SLC13A3: variants seen among roughly 807,000 people sequenced by gnomAD.
SLC13A3 encodes the protein solute carrier family 13 member 3.
A neutral mutation model predicts 59.0 loss-of-function variants in SLC13A3; 40 were observed. The observed-to-expected ratio is 0.68, with a 90% CI of 0.53 to 0.88. SLC13A3 has a LOEUF of 0.88. SLC13A3 is among the 40% of genes least tolerant of loss of function. The pLI, the probability that SLC13A3 is intolerant of heterozygous loss-of-function variation, is 0.00. For synonymous variants in SLC13A3, 317 were observed against 330.3 expected (o/e 0.96, Z 0.44); for missense variants, 699 against 783.2 (o/e 0.89, Z 1.28).
chr20:46,632,906 T>TATATAGACAGAC (rs1568947585), intron 1 of SLC13A3, among the ~76,000 whole-genome samples: 14 of 58,950 alleles, frequency 2.4e-4, no homozygotes, highest in African/African-American at 8.3e-4. Flanking sequence ...GATAGATAGA[T>TATATAGACAGAC]AGATATATCT....
intron 9 of SLC13A3, 58 bp from the exon 10 acceptor site, chr20:46,575,743 C>A: frequency 9.3e-7 from 1 of 1,080,220 alleles, no homozygotes; most frequent in South Asian, 1.7e-5. Context: ...AGGCAGAGGC[C>A]ACCAGCCCTG....
rs2122835412 is a variant in SLC13A3 at position 46,636,172 on chromosome 20, T to C, written c.111+15139A>G. On this transcript the variant is annotated intron_variant, in intron 1 of 12. Transcript: ENST00000279027. Reference sequence around the variant, plus strand: ...CACTTCTCTCATAAATTCACTTTACTCTGTGGACTCACCCCGAATCCTTAC... The same window carrying C: ...CACTTCTCTCATAAATTCACTTTACCCTGTGGACTCACCCCGAATCCTTAC... 2.0e-5 allele frequency among the ~76,000 whole-genome samples: 3 copies of C among 152,360 alleles called. No individual in the cohort carries two copies. In the South Asian group the frequency reaches 6.2e-4, roughly 32 times the overall value.
At chr20:46,625,775 TCTGG>T (rs1375922220) in intron 1 of SLC13A3, among the ~76,000 whole-genome samples, 1 of 152,234 alleles carries the variant, frequency 6.6e-6, no homozygotes, top group Admixed American at 6.5e-5. Context: ...TTGAAGTGTG[TCTGG>T]CTGTTTTGCT....
Position 46,651,304 on chromosome 20 carries a change from G to T in SLC13A3, c.111+7C>A. On this transcript the variant is annotated splice_region_variant and intron_variant, in intron 1 of 12. Coordinates refer to ENST00000279027, the MANE Select transcript of SLC13A3 (RefSeq NM_022829.6). Reference sequence around the variant, plus strand: ...GACCGGGGGCGCACAGGCGGAGGAGGCGTTACCTTGGGCGGGAGGGCGAAG... The same window carrying T: ...GACCGGGGGCGCACAGGCGGAGGAGTCGTTACCTTGGGCGGGAGGGCGAAG... 1 of 1,494,502 alleles carries T rather than the reference G, an allele frequency of 6.7e-7. No individual in the cohort carries two copies. Among genetic ancestry groups the T allele is most frequent in the Non-Finnish European group, 8.9e-7 (1 of 1,123,604 alleles). The allele number at this position is 1,494,502 out of a possible 1,614,324, so 92.6% of individuals were successfully genotyped here.
At chr20:46,607,500 C>T (rs913290622) in intron 3 of SLC13A3, among the ~76,000 whole-genome samples, 10 of 152,228 alleles carry the variant, frequency 6.6e-5, no homozygotes, top group African/African-American at 2.4e-4. Context: ...TAACCAATTC[C>T]TGCTCCTCCC....
chr20:46,569,163 GT>G (rs551692759), intron 10 of SLC13A3, among the ~76,000 whole-genome samples: 15 of 150,844 alleles, frequency 9.9e-5, no homozygotes, highest in Non-Finnish European at 1.6e-4. Flanking sequence ...TTTTTTAAGT[GT>G]TTTTTTTTGT....
chr20:46,637,945 G>A (rs144701150), intron 1 of SLC13A3, among the ~76,000 whole-genome samples: 38 of 152,266 alleles, frequency 2.5e-4, no homozygotes, highest in African/African-American at 8.4e-4. Context: ...GGAAAGCCAG[G>A]GTCTGGAGAA....
chr20:46,600,324 AAAGG>A (rs143437944), intron 3 of SLC13A3, among the ~76,000 whole-genome samples: 91 of 83,856 alleles, frequency 1.1e-3, no homozygotes, highest in South Asian at 1.8e-3. Context: ...GGAAGGAAGG[AAAGG>A]AAGGAAGGAA....
At chr20:46,616,011 C>G (rs2062550562) in intron 1 of SLC13A3, among the ~76,000 whole-genome samples, 1 of 152,212 alleles carries the variant, frequency 6.6e-6, no homozygotes. Flanking sequence ...ATTAACTCAA[C>G]TTGGAATGAA....
chr20:46,662,380 T>C (rs1446605565), intron 1 of SLC13A3, among the ~76,000 whole-genome samples: 1 of 152,198 alleles, frequency 6.6e-6, no homozygotes, highest in East Asian at 1.9e-4. Context: ...CCATCAGACA[T>C]TGTTGTAGTC....
chr20:46,623,601 C>T (rs2062638053), intron 1 of SLC13A3, among the ~76,000 whole-genome samples: 1 of 152,132 alleles, frequency 6.6e-6, no homozygotes, highest in South Asian at 2.1e-4. Context: ...TTAGGTCATG[C>T]ATACAATGCT....
chr20:46,568,271 G>T (rs985700663), intron 10 of SLC13A3, among the ~76,000 whole-genome samples: 1 of 151,588 alleles, frequency 6.6e-6, no homozygotes, highest in African/African-American at 2.4e-5. Flanking sequence ...GGTGGTGCAC[G>T]CCTGTAATCC....
At chr20:46,647,130 A>G (rs1236235653) in intron 1 of SLC13A3, among the ~76,000 whole-genome samples, 1 of 152,108 alleles carries the variant, frequency 6.6e-6, no homozygotes, top group East Asian at 1.9e-4. Flanking sequence ...CAGGGTGCAC[A>G]GCTTGGCATG....
chr20:46,590,753 A>T (rs1187855565), intron 6 of SLC13A3, among the ~76,000 whole-genome samples: 1 of 152,256 alleles, frequency 6.6e-6, no homozygotes, highest in African/African-American at 2.4e-5. Context: ...ATCTATTAAA[A>T]TAAAAATGTG....
chr20:46,659,691 G>T (rs2122908666), intron 1 of SLC13A3, among the ~76,000 whole-genome samples: 1 of 150,806 alleles, frequency 6.6e-6, no homozygotes, highest in African/African-American at 2.4e-5. Flanking sequence ...ACTCCAGCCT[G>T]GGTGACAGAG....
chr20:46,596,135 C>T (rs764168490), intron 5 of SLC13A3, 22 bp downstream of exon 5: 155 of 1,607,062 alleles, frequency 9.6e-5, no homozygotes, highest in Admixed American at 2.0e-4. Context: ...CCCTCCCCGC[C>T]GGTGGGGACT....
At chr20:46,600,313 G>GGGAAGGAAGGAAGGAAAGGAAGGAA (rs144741251) in intron 3 of SLC13A3, among the ~76,000 whole-genome samples, 25 of 123,880 alleles carry the variant, frequency 2.0e-4, no homozygotes, top group Middle Eastern at 4.5e-3. Context: ...GAAAGAAAGA[G>GGGAAGGAAGGAAGGAAAGGAAGGAA]GGAAGGAAGG....
intron 1 of SLC13A3, among the ~76,000 whole-genome samples, chr20:46,621,744 A>G (rs1180891032): frequency 6.6e-6 from 1 of 152,210 alleles, no homozygotes; most frequent in African/African-American, 2.4e-5. Context: ...ATCACATCCA[A>G]TGTCACATGA....
intron 1 of SLC13A3, among the ~76,000 whole-genome samples, chr20:46,636,361 G>A (rs541823450): frequency 1.3e-5 from 2 of 152,296 alleles, no homozygotes; most frequent in Admixed American, 6.5e-5. Context: ...TGTCCCCCTA[G>A]AATAGTAGCT....
Sources: gnomAD v4.1 joint callset for allele counts (sites outside exome capture counted in the v4.1 genomes callset) on GRCh38, gnomAD v4.1.1 for gene constraint, MANE v1.5 for transcripts, NCBI Gene and HGNC (gene_info 2026-07-23, HGNC 2026-07-21) for gene names.